Variants in KCNAB1 observed in about 807,000 individuals in gnomAD.
The protein encoded by KCNAB1 is voltage-gated potassium channel subunit beta-1.
Under a neutral mutation model 64.6 loss-of-function variants are expected in KCNAB1, and 35 were observed. The ratio of observed to expected loss-of-function variants is 0.54; its 90% CI spans 0.41 to 0.72. The LOEUF (loss-of-function observed/expected upper bound fraction) is 0.72. Among genes scored for constraint, KCNAB1 ranks in the 30% least tolerant of loss-of-function variants. The pLI is 0.00. For missense variants in KCNAB1, 401 were observed against 512.9 expected, an observed-to-expected ratio of 0.78 and a Z score of 2.11; for synonymous variants, 177 against 183.8, an observed-to-expected ratio of 0.96 and a Z score of 0.30.
chr3:156,403,736 T>TA (rs772499129), intron 1 of KCNAB1, among the ~76,000 whole-genome samples: 1 of 151,820 alleles, frequency 6.6e-6, no homozygotes, highest in African/African-American at 2.4e-5. Context: ...TTACTAAAAA[T>TA]AAAAAATATT....
At chr3:156,300,883 T>C (rs2107987151) in intron 1 of KCNAB1, among the ~76,000 whole-genome samples, 1 of 152,366 alleles carries the variant, frequency 6.6e-6, no homozygotes, top group Admixed American at 6.5e-5. Flanking sequence ...TGTACTGTGA[T>C]TAATTTGCTT....
chr3:156,386,120 G>A (rs1030592799), intron 1 of KCNAB1, among the ~76,000 whole-genome samples: 2 of 152,190 alleles, frequency 1.3e-5, no homozygotes, highest in African/African-American at 4.8e-5. Flanking sequence ...AAAAGAGACC[G>A]AGGCAAACTT....
intron 1 of KCNAB1, among the ~76,000 whole-genome samples, chr3:156,230,626 G>C (rs1388974966): frequency 6.6e-6 from 1 of 152,164 alleles, no homozygotes; most frequent in Non-Finnish European, 1.5e-5. Flanking sequence ...GAGAGAGAGA[G>C]AGAGAAAACA....
intron 1 of KCNAB1, among the ~76,000 whole-genome samples, chr3:156,402,143 G>A (rs1192649024): frequency 6.8e-6 from 1 of 147,372 alleles, no homozygotes; most frequent in Non-Finnish European, 1.5e-5. Flanking sequence ...AGAACTTAAA[G>A]TATAATTTAA....
chr3:156,491,143 G>T (rs947989544), intron 8 of KCNAB1, among the ~76,000 whole-genome samples: 1 of 152,034 alleles, frequency 6.6e-6, no homozygotes, highest in Non-Finnish European at 1.5e-5. Context: ...TCCACAAGCT[G>T]CTGGAAAATA....
At chr3:156,360,261 C>G (rs1267151173) in intron 1 of KCNAB1, among the ~76,000 whole-genome samples, 5 of 152,226 alleles carry the variant, frequency 3.3e-5, no homozygotes. Context: ...GTACATCCAG[C>G]TGCCCATTTA....
chr3:156,397,576 T>C (rs16826089), intron 1 of KCNAB1, among the ~76,000 whole-genome samples: 3,073 of 152,310 alleles, frequency 0.02, 104 homozygotes, highest in African/African-American at 0.071. Context: ...ACTATAACAG[T>C]TTGGCTCACA....
chr3:156,367,956 G>C (rs1368613414), intron 1 of KCNAB1, among the ~76,000 whole-genome samples: 2 of 152,146 alleles, frequency 1.3e-5, no homozygotes, highest in East Asian at 3.9e-4. Context: ...CCTCCTCAAA[G>C]CTGCTTTCAG....
At chr3:156,271,811 G>A (rs1719053216) in intron 1 of KCNAB1, among the ~76,000 whole-genome samples, 1 of 152,122 alleles carries the variant, frequency 6.6e-6, no homozygotes, top group South Asian at 2.1e-4. Context: ...TTTGCAGCCT[G>A]GGCTTGTCTG....
At chr3:156,252,835 T>C (rs573083031) in intron 1 of KCNAB1, among the ~76,000 whole-genome samples, 1 of 152,328 alleles carries the variant, frequency 6.6e-6, no homozygotes, top group African/African-American at 2.4e-5. Flanking sequence ...GCGCATTGTC[T>C]TAAAAACTTT....
At chr3:156,167,829 C>T (rs1464288480) in intron 1 of KCNAB1, among the ~76,000 whole-genome samples, 3 of 152,296 alleles carry the variant, frequency 2.0e-5, no homozygotes, top group African/African-American at 7.2e-5. Flanking sequence ...TTATTTGGGG[C>T]ACAGCCTCTT....
intron 1 of KCNAB1, among the ~76,000 whole-genome samples, chr3:156,225,186 A>G (rs1306120949): frequency 2.0e-5 from 3 of 152,238 alleles, no homozygotes; most frequent in Non-Finnish European, 2.9e-5. Flanking sequence ...ATGCTAGGGA[A>G]CCAAGTCCAA....
intron 1 of KCNAB1, among the ~76,000 whole-genome samples, chr3:156,219,612 G>T (rs1715562302): frequency 6.6e-6 from 1 of 151,970 alleles, no homozygotes; most frequent in Non-Finnish European, 1.5e-5. Context: ...CAAAGAACAT[G>T]TGGGAAATTA....
chr3:156,225,201 A>G (rs1716073773), intron 1 of KCNAB1, among the ~76,000 whole-genome samples: 2 of 152,228 alleles, frequency 1.3e-5, no homozygotes, highest in Non-Finnish European at 2.9e-5. Flanking sequence ...GTCCAACAAC[A>G]TATCAAAAAG....
chr3:156,469,248 C>CTT lies in KCNAB1; in HGVS notation c.571+3586_571+3587dup, dbSNP rs34567814. Among the ~76,000 whole-genome samples the CTT allele has an allele frequency of 4.9e-3, 359 of 72,946 alleles. 2 individuals carry two copies. The highest frequency in any genetic ancestry group is 0.011 in the Middle Eastern group (1 of 92). 47.9% of individuals were successfully genotyped at this position (72,946 alleles called of 152,430 possible). On this transcript the variant is annotated intron_variant, in intron 7 of 13. Coordinates refer to ENST00000490337, the MANE Select transcript of KCNAB1 (RefSeq NM_172160.3). Reference sequence around the variant, plus strand: ...GGGTTCTCTCTTTCTTTCTTTCTTTCTTTTTTTTTTTTTTTTTTTTTTTTT... The same window carrying CTT: ...GGGTTCTCTCTTTCTTTCTTTCTTTCTTTTTTTTTTTTTTTTTTTTTTTTTTT...
intron 1 of KCNAB1, among the ~76,000 whole-genome samples, chr3:156,237,188 A>G (rs1158774448): frequency 3.9e-5 from 6 of 152,176 alleles, no homozygotes; most frequent in Non-Finnish European, 7.3e-5. Context: ...CTTCTAAATA[A>G]TGTACTTTCA....
chr3:156,532,576 T>G (rs184667147), intron 13 of KCNAB1, among the ~76,000 whole-genome samples: 1 of 152,280 alleles, frequency 6.6e-6, no homozygotes, highest in African/African-American at 2.4e-5. Context: ...AAACATGATT[T>G]AAAATCTTTT....
In KCNAB1 at chr3:156,210,172, G is replaced by T. The variant is rs139894091; in HGVS notation, c.275+89286G>T. Among the ~76,000 whole-genome samples the T allele has an allele frequency of 5.9e-3, 900 of 152,234 alleles. 10 individuals carry two copies. The highest frequency in any genetic ancestry group is 0.021 in the African/African-American group (859 of 41,548). On this transcript the variant is annotated intron_variant, in intron 1 of 13. Transcript: ENST00000490337. ...TGAGCTGAGGGTTGCTGCTCAGGAAGGCATGGGCAGCTCGCTGACCAGGAA... is the reference window on the plus strand; with the variant it reads ...TGAGCTGAGGGTTGCTGCTCAGGAATGCATGGGCAGCTCGCTGACCAGGAA...
At chr3:156,464,280 C>G (rs1422860605) in intron 6 of KCNAB1, among the ~76,000 whole-genome samples, 1 of 152,176 alleles carries the variant, frequency 6.6e-6, no homozygotes, top group Non-Finnish European at 1.5e-5. Context: ...GAGAAATGCT[C>G]TCTGTTGTGG....
Sources: allele counts gnomAD v4.1 joint callset (sites outside exome capture counted in the v4.1 genomes callset), GRCh38; gene constraint gnomAD v4.1.1; transcripts MANE v1.5; gene names NCBI Gene and HGNC (gene_info 2026-07-23, HGNC 2026-07-21).